The following OSTN variants were observed in gnomAD, a reference collection of about 807,000 sequenced individuals.
OSTN encodes osteocrin.
OSTN carries 9 observed loss-of-function variants against 12.0 expected under a neutral mutation model. The observed-to-expected ratio is 0.75, with a 90% CI of 0.45 to 1.30. The LOEUF is 1.30. Among genes scored for constraint, OSTN ranks in the 50% most tolerant of loss-of-function variants. The probability of loss-of-function intolerance (pLI) is 0.00; values close to 1 mark genes in which losing one functional copy is unlikely to be tolerated. For missense variants in OSTN, 148 were observed against 152.3 expected (o/e 0.97, Z 0.15); for synonymous variants, 59 against 56.9 (o/e 1.04, Z -0.16).
rs142440036 is a variant in OSTN, at chr3:191,240,610, A to AT, written c.318-9420dup. ...CGGAAATCCAGGAAAAGCTTGACTC[A>AT]TTTTTTTCCAGCTCAGGGTCTCTCT... On this transcript the variant is annotated intron_variant, in intron 3 of 4. Transcript: ENST00000682035. Among the ~76,000 whole-genome samples the AT allele has an allele frequency of 4.0e-3, 612 of 152,220 alleles. 4 individuals are homozygous for AT. The highest frequency in any genetic ancestry group is 0.014 in the African/African-American group (578 of 41,530).
At chr3:191,208,578 C>G (rs1370319365) in intron 1 of OSTN, among the ~76,000 whole-genome samples, 1 of 152,170 alleles carries the variant, frequency 6.6e-6, no homozygotes, top group African/African-American at 2.4e-5. Flanking sequence ...GATGATACAT[C>G]ATGATTTTTT....
chr3:191,228,149 A>C (rs1383256998), intron 3 of OSTN, among the ~76,000 whole-genome samples: 1 of 152,198 alleles, frequency 6.6e-6, no homozygotes, highest in African/African-American at 2.4e-5. Flanking sequence ...AGCTAATCAG[A>C]ATGTCCTCAA....
intron 2 of OSTN, among the ~76,000 whole-genome samples, chr3:191,214,436 CAAAAA>C (rs71298518): frequency 5.2e-5 from 1 of 19,346 alleles, no homozygotes; most frequent in East Asian, 2.7e-3. Flanking sequence ...GACTCCATCT[CAAAAA>C]AAAAAAAAAA....
At chr3:191,202,219 T>C (rs557142610) in intron 1 of OSTN, among the ~76,000 whole-genome samples, 1 of 152,340 alleles carries the variant, frequency 6.6e-6, no homozygotes, top group Non-Finnish European at 1.5e-5. Flanking sequence ...CTTGTAAGGA[T>C]GACAGGAGAT....
Position 191,241,167 on chromosome 3 carries a change from CTT to C in OSTN, c.318-8842_318-8841del, listed in dbSNP as rs575332839. On this transcript the variant is annotated intron_variant, in intron 3 of 4. Transcript: ENST00000682035. ...AAGTTGGTGGAGCTCTGTGCCTTGA[CTT>C]TTTTTTTTTTTTTTTTTTTTTTTTT... Among the ~76,000 whole-genome samples the C allele has an allele frequency of 2.4e-4, 11 of 46,466 alleles. No homozygotes were observed. In the East Asian group the frequency reaches 5.4e-3, roughly 23 times the overall value. The allele number at this position is 46,466 out of a possible 152,430, so 30.5% of individuals were successfully genotyped here.
chr3:191,215,453 A>G (rs1018231358), intron 2 of OSTN, among the ~76,000 whole-genome samples: 7 of 152,204 alleles, frequency 4.6e-5, no homozygotes, highest in Non-Finnish European at 8.8e-5. Flanking sequence ...AACTTATTCC[A>G]TCATTAACCA....
intron 1 of OSTN, 40 bp from the exon 2 acceptor site, chr3:191,212,493 C>A: frequency 7.3e-7 from 1 of 1,378,336 alleles, no homozygotes; most frequent in Non-Finnish European, 1.0e-6. Flanking sequence ...CTTTACATTC[C>A]AAACGAATCA....
At chr3:191,201,583 A>G (rs868277584) in intron 1 of OSTN, among the ~76,000 whole-genome samples, 2 of 152,162 alleles carry the variant, frequency 1.3e-5, no homozygotes, top group South Asian at 4.1e-4. Flanking sequence ...TCCCAGGATT[A>G]CATTTTTTAT....
At chr3:191,208,614 A>G (rs1714341239) in intron 1 of OSTN, among the ~76,000 whole-genome samples, 1 of 152,240 alleles carries the variant, frequency 6.6e-6, no homozygotes, top group African/African-American at 2.4e-5. Context: ...GCACAAAAAT[A>G]TATACCTCAG....
At chr3:191,262,626 AT>A (rs1715837641) in intron 4 of OSTN, among the ~76,000 whole-genome samples, 1 of 152,244 alleles carries the variant, frequency 6.6e-6, no homozygotes, top group Non-Finnish European at 1.5e-5. Context: ...TATAATTTTT[AT>A]TAAAACTTGA....
intron 3 of OSTN, among the ~76,000 whole-genome samples, chr3:191,226,148 A>C (rs1378415973): frequency 6.6e-6 from 1 of 152,184 alleles, no homozygotes; most frequent in African/African-American, 2.4e-5. Flanking sequence ...ATAAAATGTT[A>C]GCAAATAGAA....
chr3:191,261,850 G>C (rs544018872), intron 4 of OSTN, among the ~76,000 whole-genome samples: 4 of 152,324 alleles, frequency 2.6e-5, no homozygotes, highest in Admixed American at 1.3e-4. Context: ...AATGTTCCTA[G>C]CTTTTCTAGA....
At chr3:191,227,462 C>T (rs1335249201) in intron 3 of OSTN, among the ~76,000 whole-genome samples, 1 of 152,020 alleles carries the variant, frequency 6.6e-6, no homozygotes, top group South Asian at 2.1e-4. Context: ...ACTTTTTGGC[C>T]CTGCCTTCCT....
chr3:191,264,665 C>T lies in OSTN; in HGVS notation c.*1812C>T, dbSNP rs1200348830. 6.6e-6 allele frequency: 1 copy of T among 152,108 alleles called. No homozygotes were observed. The highest frequency in any genetic ancestry group is 2.4e-5 in the African/African-American group (1 of 41,418). The allele number at this position is 152,108 out of a possible 1,614,324, so 9.4% of individuals were successfully genotyped here. A position where few individuals can be genotyped will look rare whatever the true frequency, so the allele number is the denominator to read the frequency against. Reference sequence around the variant, plus strand: ...ATATCCTTGTCTGCCTTTCCCCAACCTTGTGATGAACTATAGAAATGTTTC... The same window carrying T: ...ATATCCTTGTCTGCCTTTCCCCAACTTTGTGATGAACTATAGAAATGTTTC... On this transcript the variant is annotated 3_prime_UTR_variant, in exon 5 of 5. Coordinates refer to ENST00000682035, the MANE Select transcript of OSTN (RefSeq NM_198184.2).
intron 3 of OSTN, among the ~76,000 whole-genome samples, chr3:191,219,883 ATTTATTCT>A (rs1331868524): frequency 6.6e-6 from 1 of 152,052 alleles, no homozygotes; most frequent in African/African-American, 2.4e-5. Flanking sequence ...TTTTTTTAAC[ATTTATTCT>A]TTCTCCACTC....
chr3:191,258,169 C>G (rs1022514604), intron 4 of OSTN, among the ~76,000 whole-genome samples: 1 of 152,032 alleles, frequency 6.6e-6, no homozygotes, highest in Non-Finnish European at 1.5e-5. Flanking sequence ...CTTGAGTAGT[C>G]AAAGGAAGAT....
intron 1 of OSTN, among the ~76,000 whole-genome samples, chr3:191,204,797 A>G (rs1335572125): frequency 1.3e-5 from 2 of 152,224 alleles, no homozygotes; most frequent in African/African-American, 2.4e-5. Flanking sequence ...TTTTTTCAAT[A>G]TAAGTTTTGC....
At chr3:191,212,768 A>ACC in intron 2 of OSTN, 134 bp downstream of exon 2, 1 of 154,008 alleles carries the variant, frequency 6.5e-6, no homozygotes, top group East Asian at 1.6e-4. Context: ...TATATATCAT[A>ACC]TCATATATTT....
chr3:191,213,657 G>A (rs1388367013), intron 2 of OSTN, among the ~76,000 whole-genome samples: 9 of 151,784 alleles, frequency 5.9e-5, no homozygotes, highest in African/African-American at 2.2e-4. Context: ...GCATCACAAG[G>A]AGAAAAATTA....
Sources: allele counts gnomAD v4.1 joint callset (sites outside exome capture counted in the v4.1 genomes callset), GRCh38; gene constraint gnomAD v4.1.1; transcripts MANE v1.5; gene names NCBI Gene and HGNC (gene_info 2026-07-23, HGNC 2026-07-21).